SLC35F4: variants seen among roughly 807,000 people sequenced by gnomAD.
The protein encoded by SLC35F4 is chromosome 14 open reading frame 36.
In SLC35F4, 24 loss-of-function variants were observed where a neutral mutation model predicts 44.2. That is an observed-to-expected ratio of 0.54 (90% CI 0.39 to 0.76). The LOEUF is 0.76. Among genes scored for constraint, SLC35F4 ranks in the 30% least tolerant of loss-of-function variants. The pLI, the probability that SLC35F4 is intolerant of heterozygous loss-of-function variation, is 0.00. For synonymous variants in SLC35F4, 238 were observed against 223.6 expected (o/e 1.06, Z -0.57); for missense variants, 562 against 586.1 (o/e 0.96, Z 0.42).
chr14:57,912,230 T>G (rs1326907570), intron 1 of SLC35F4, among the ~76,000 whole-genome samples: 1 of 152,004 alleles, frequency 6.6e-6, no homozygotes, highest in African/African-American at 2.4e-5. Flanking sequence ...TTTTCTCTAT[T>G]GATTTCCTAT....
At chr14:57,796,883 C>A (rs545310231) in intron 1 of SLC35F4, among the ~76,000 whole-genome samples, 1 of 152,194 alleles carries the variant, frequency 6.6e-6, no homozygotes, top group Non-Finnish European at 1.5e-5. Context: ...CACTGGGAAT[C>A]TCAGATGACA....
At chr14:57,703,277 C>G (rs561965850) in intron 1 of SLC35F4, among the ~76,000 whole-genome samples, 9 of 152,154 alleles carry the variant, frequency 5.9e-5, no homozygotes, top group Non-Finnish European at 1.0e-4. Context: ...CTCCATCCTT[C>G]CCCACATCAT....
At chr14:57,732,210 G>C (rs760998798) in intron 1 of SLC35F4, among the ~76,000 whole-genome samples, 20 of 152,086 alleles carry the variant, frequency 1.3e-4, no homozygotes, top group Non-Finnish European at 2.5e-4. Flanking sequence ...GAACAAAATG[G>C]TTAAATGGAG....
Position 57,589,238 on chromosome 14 carries a change from G to T in SLC35F4, c.565C>A (p.Gln189Lys). The T allele has an allele frequency of 1.2e-6, 2 of 1,608,344 alleles. No homozygotes were observed. Among genetic ancestry groups the T allele is most frequent in the South Asian group, 1.1e-5 (1 of 89,962 alleles). The change falls in exon 3 of 8, where the codon CAA (glutamine) becomes AAA (lysine). Residue 189 changes from glutamine (Q) to lysine (K), a missense_variant. Gln to Lys is a moderately conservative substitution (Grantham distance 53). Coordinates refer to ENST00000556826, the MANE Select transcript of SLC35F4 (RefSeq NM_001306087.2). The part of the protein sequence containing the change: ...SGHLATAQEK[Q>K]SPMKKFRECS... ...TACCTGAATTTTTTCATTGGAGATT[G>T]CTTTTCTTGAGCAGTGGCTAGATGA... is the stretch of plus-strand genomic sequence containing the variant.
At chr14:57,743,233 T>C (rs1228695221) in intron 1 of SLC35F4, among the ~76,000 whole-genome samples, 1 of 151,950 alleles carries the variant, frequency 6.6e-6, no homozygotes, top group Non-Finnish European at 1.5e-5. Context: ...AGAGCAGAAC[T>C]GAAGGAAATA....
At chr14:57,743,315 G>T (rs1424664050) in intron 1 of SLC35F4, among the ~76,000 whole-genome samples, 1 of 152,054 alleles carries the variant, frequency 6.6e-6, no homozygotes, top group Non-Finnish European at 1.5e-5. Flanking sequence ...CAACAAAATT[G>T]ATAGGCCGCT....
chr14:57,946,469 CTTTTTT>C (rs71104596), intron 1 of SLC35F4, among the ~76,000 whole-genome samples: 2 of 78,196 alleles, frequency 2.6e-5, no homozygotes, highest in South Asian at 4.7e-4. Context: ...GTTTTCTTTT[CTTTTTT>C]TTTTTTTTTT....
At chr14:57,738,768 T>TAC (rs2076529646) in intron 1 of SLC35F4, among the ~76,000 whole-genome samples, 1 of 134,948 alleles carries the variant, frequency 7.4e-6, no homozygotes, top group Non-Finnish European at 1.6e-5. Flanking sequence ...TATATATATA[T>TAC]ATATATATAT....
At chr14:57,608,938 A>G (rs777441471) in intron 1 of SLC35F4, among the ~76,000 whole-genome samples, 1 of 152,176 alleles carries the variant, frequency 6.6e-6, no homozygotes, top group East Asian at 1.9e-4. Flanking sequence ...GTGGAGTAGC[A>G]GGGGCAAAAG....
rs535468934 is a variant in SLC35F4 at position 57,703,318 on chromosome 14, C to G, written c.104-109194G>C. Among the ~76,000 whole-genome samples the G allele has an allele frequency of 7.2e-5, 11 of 152,302 alleles. 1 individual carries two copies. The highest frequency in any genetic ancestry group is 2.4e-4 in the African/African-American group (10 of 41,564). On this transcript the variant is annotated intron_variant, in intron 1 of 7. Transcript: ENST00000556826. ...AAATACAGTAGGTGGCAAATTAAAT[C>G]AGTGTCCTTTACTACTTACCCTGGA...
rs1007832812 is a variant in SLC35F4 at position 57,731,521 on chromosome 14, T to C, written c.103+134202A>G. Among the ~76,000 whole-genome samples the C allele has an allele frequency of 4.6e-5, 7 of 152,258 alleles. No homozygotes were observed. In the South Asian group the frequency reaches 1.5e-3, roughly 32 times the overall value. ...AGCCTTTTTCTTTCATTCTACAGCA[T>C]CCAGTGGCAGACATATGGTTGTCTT... On this transcript the variant is annotated intron_variant, in intron 1 of 7. Coordinates refer to ENST00000556826, the MANE Select transcript of SLC35F4 (RefSeq NM_001306087.2).
chr14:57,696,256 C>T (rs1346694264), intron 1 of SLC35F4, among the ~76,000 whole-genome samples: 2 of 151,426 alleles, frequency 1.3e-5, no homozygotes, highest in Non-Finnish European at 3.0e-5. Context: ...ACTCATCAAA[C>T]AGTTTGAGAA....
chr14:57,793,945 A>G lies in SLC35F4; in HGVS notation c.103+71778T>C, dbSNP rs141410871. 2.9e-4 allele frequency among the ~76,000 whole-genome samples: 44 copies of G among 152,290 alleles called. No individual in the cohort carries two copies. In the East Asian group the frequency reaches 7.9e-3, roughly 27 times the overall value. ...TAACTGATCTTCGACAAAGCACACA[A>G]AAACACAAATTGAGGAAAGGACATG... On this transcript the variant is annotated intron_variant, in intron 1 of 7. Coordinates refer to ENST00000556826, the MANE Select transcript of SLC35F4 (RefSeq NM_001306087.2).
intron 1 of SLC35F4, among the ~76,000 whole-genome samples, chr14:57,809,368 A>C (rs540127734): frequency 2.0e-4 from 30 of 152,172 alleles, no homozygotes; most frequent in Non-Finnish European, 4.0e-4. Context: ...CCAATAGACT[A>C]TGAGTAGAAG....
intron 1 of SLC35F4, among the ~76,000 whole-genome samples, chr14:57,774,229 C>A (rs2140700710): frequency 6.6e-6 from 1 of 152,254 alleles, no homozygotes; most frequent in African/African-American, 2.4e-5. Context: ...GGAAACCCTG[C>A]ATGGGGCTAC....
chr14:57,873,684 CTTCCATT>C (rs1359540894), intron 1 of SLC35F4, among the ~76,000 whole-genome samples: 1 of 151,992 alleles, frequency 6.6e-6, no homozygotes, highest in African/African-American at 2.4e-5. Context: ...TATAAGTAAT[CTTCCATT>C]TTCCAAGTGT....
intron 1 of SLC35F4, among the ~76,000 whole-genome samples, chr14:57,955,675 G>A (rs1225130720): frequency 6.6e-6 from 1 of 152,100 alleles, no homozygotes; most frequent in Admixed American, 6.5e-5. Flanking sequence ...AATCATGAGT[G>A]AACTCCCATT....
At chr14:57,951,472 A>G (rs1290299060) in intron 1 of SLC35F4, among the ~76,000 whole-genome samples, 1 of 152,064 alleles carries the variant, frequency 6.6e-6, no homozygotes, top group Non-Finnish European at 1.5e-5. Context: ...GAAGCCAGGG[A>G]GCCAAGTGGT....
chr14:57,975,985 G>A (rs937677669), downstream of SLC35F4, among the ~76,000 whole-genome samples: 15 of 134,086 alleles, frequency 1.1e-4, no homozygotes, highest in African/African-American at 4.6e-4. Flanking sequence ...GAAGATAGAT[G>A]AGAGTAGAGC....
Sources: gnomAD v4.1 joint callset for allele counts (sites outside exome capture counted in the v4.1 genomes callset) on GRCh38, gnomAD v4.1.1 for gene constraint, MANE v1.5 for transcripts, NCBI Gene and HGNC (gene_info 2026-07-23, HGNC 2026-07-21) for gene names.